Variants in AMBP observed in about 807,000 individuals in gnomAD.
AMBP encodes protein AMBP.
Under a neutral mutation model 46.3 loss-of-function variants are expected in AMBP, and 37 were observed. The ratio of observed to expected loss-of-function variants is 0.80; its 90% CI spans 0.61 to 1.05. The LOEUF (loss-of-function observed/expected upper bound fraction) is 1.05. Among genes scored for constraint, AMBP ranks in the 50% least tolerant of loss-of-function variants. The probability of loss-of-function intolerance (pLI) is 0.00; values close to 1 mark genes in which losing one functional copy is unlikely to be tolerated. For synonymous variants in AMBP, 174 were observed against 175.9 expected, an observed-to-expected ratio of 0.99 and a Z score of 0.09; for missense variants, 475 against 461.2, an observed-to-expected ratio of 1.03 and a Z score of -0.27.
chr9:114,061,575 G>T lies in AMBP; in HGVS notation c.702C>A (p.Gly234=), dbSNP rs751809824. 2 of 1,601,468 alleles carry T rather than the reference G, an allele frequency of 1.2e-6. No homozygotes were observed. Among genetic ancestry groups the T allele is most frequent in the Non-Finnish European group, 1.7e-6 (2 of 1,171,456 alleles). The part of the protein sequence containing the change: ...VTKKEDSCQL[G]YSAGPCMGMT... ...TTCCCATGCAGGGACCGGCCGAGTA[G>T]CCCAGCTGGCAGGAATCTAGGGAGG... is the stretch of plus-strand genomic sequence containing the variant. Residue 234 remains glycine (G), a synonymous_variant, in exon 8 of 10, where the codon GGC becomes GGA. Transcript: ENST00000265132.
At chr9:114,061,164 A>T in intron 8 of AMBP, 66 bp from the exon 9 acceptor site, 1 of 1,566,216 alleles carries the variant, frequency 6.4e-7, no homozygotes. Flanking sequence ...CATACATGAG[A>T]CTGCTGAGCC....
chr9:114,073,120 A>G (rs1382440683), intron 4 of AMBP, 94 bp from the exon 5 acceptor site: 8 of 1,101,096 alleles, frequency 7.3e-6, no homozygotes, highest in Non-Finnish European at 9.1e-6. Flanking sequence ...TCACTTAGGG[A>G]AAATTTGAAA....
At chr9:114,065,629 T>TACCCCA (rs1846686583) in intron 6 of AMBP, among the ~76,000 whole-genome samples, 1 of 151,898 alleles carries the variant, frequency 6.6e-6, no homozygotes. Flanking sequence ...GGCAGTTCAT[T>TACCCCA]ACCCCACCCC....
At chr9:114,069,601 G>T in intron 6 of AMBP, 98 bp downstream of exon 6, 1 of 1,158,122 alleles carries the variant, frequency 8.6e-7, no homozygotes, top group South Asian at 1.3e-5. Context: ...CCCTCCCCAT[G>T]ACTCTGCCTC....
chr9:114,064,627 C>T (rs1391134252), intron 6 of AMBP, among the ~76,000 whole-genome samples: 1 of 151,906 alleles, frequency 6.6e-6, no homozygotes, highest in Non-Finnish European at 1.5e-5. Flanking sequence ...TTGAAACTCT[C>T]CTCTAGAGTT....
chr9:114,072,927 C>A lies in AMBP; in HGVS notation c.554G>T (p.Arg185Leu). ...TGAGGCGGAGGGGTGCTATGTACCT[C>A]GGTCAGCCATGGTGAAGATGGAGTC... ...PEDSIFTMAD[R>L]GECVPGEQEP... Residue 185 changes from arginine (R) to leucine (L), a missense_variant and splice_region_variant, in exon 5 of 10, where the codon CGA becomes CTA. Arg to Leu is a moderately radical substitution (Grantham distance 102). Transcript: ENST00000265132. The A allele has an allele frequency of 6.2e-7, 1 of 1,613,672 alleles. No homozygotes were observed. The highest frequency in any genetic ancestry group is 1.1e-5 in the South Asian group (1 of 91,020).
chr9:114,060,822 G>A, intron 9 of AMBP, 103 bp downstream of exon 9: 1 of 1,312,468 alleles, frequency 7.6e-7, no homozygotes, highest in Non-Finnish European at 1.0e-6. Flanking sequence ...ACCAGGTACA[G>A]AGTCCAGAAC....
rs753980856 is a variant in AMBP at position 114,074,131 on chromosome 9, G to A, written c.359C>T (p.Ser120Phe). ...ATCATAGTTGGTGTGGACCACATAG[G>A]ACTCCATGGTTATGTTCCATTCTGC... Reference protein sequence around the residue: ...HKSKWNITMESYVVHTNYDEY... With the variant: ...HKSKWNITMEFYVVHTNYDEY... The change falls in exon 4 of 10, where the codon TCC (serine) becomes TTC (phenylalanine). Residue 120 changes from serine to phenylalanine, a missense_variant. This residue lies in a region of AMBP where 179 missense variants were observed against 167.4 expected (regional missense o/e 1.07). Transcript: ENST00000265132. 2 of 1,613,998 alleles carry A rather than the reference G, an allele frequency of 1.2e-6. No homozygotes were observed. Among genetic ancestry groups the A allele is most frequent in the South Asian group, 2.2e-5 (2 of 91,070 alleles).
In AMBP at chr9:114,069,834, G is replaced by A. The variant is rs779454639; in HGVS notation, c.557-89C>T. ...CGGATTTGTATCTTTGGTGAGCATCGTGCTGGGAACTTGTCGTGCCTTAGT... is the reference window on the plus strand; with the variant it reads ...CGGATTTGTATCTTTGGTGAGCATCATGCTGGGAACTTGTCGTGCCTTAGT... On this transcript the variant is annotated intron_variant, in intron 5 of 9. Transcript: ENST00000265132. 82 of 1,411,914 alleles carry A rather than the reference G, an allele frequency of 5.8e-5. 1 individual carries two copies. The South Asian group carries it at 7.4e-4, about 13-fold the overall frequency. 87.5% of individuals were successfully genotyped at this position (1,411,914 alleles called of 1,614,324 possible).
chr9:114,068,335 C>T (rs909148205), intron 6 of AMBP, among the ~76,000 whole-genome samples: 13 of 152,120 alleles, frequency 8.5e-5, no homozygotes, highest in African/African-American at 3.1e-4. Context: ...CACAGTGACT[C>T]ACGCCTGTAA....
At chr9:114,061,942 C>T (rs1846643588) in intron 7 of AMBP, among the ~76,000 whole-genome samples, 1 of 152,138 alleles carries the variant, frequency 6.6e-6, no homozygotes, top group Admixed American at 6.5e-5. Flanking sequence ...CTGACCTTTT[C>T]ACCAAGTCCC....
intron 5 of AMBP, 56 bp from the exon 6 acceptor site, chr9:114,069,801 C>G: frequency 6.3e-7 from 1 of 1,576,072 alleles, no homozygotes; most frequent in Non-Finnish European, 8.7e-7. Flanking sequence ...CAGGGGCCAT[C>G]CTAGACCCGG....
chr9:114,078,139 G>T lies in AMBP; in HGVS notation c.71C>A (p.Thr24Lys), dbSNP rs142189555. ...CTGCACTTGGATGTTGTCGGGCGGC[G>T]TTGGCACAGGGCCAGCGCTCACCGC... ...CLAVSAGPVP[T>K]PPDNIQVQEN... The change falls in exon 1 of 10, where the codon ACG becomes AAG. Residue 24 changes from threonine (T) to lysine (K), a missense_variant. Thr to Lys is a moderately conservative substitution (Grantham distance 78). Around this residue, in one of 3 missense-constraint regions of AMBP, gnomAD observed 179 missense variants for 167.4 expected, o/e 1.07. Coordinates refer to ENST00000265132, the MANE Select transcript of AMBP (RefSeq NM_001633.4). 46 of 1,613,676 alleles carry T rather than the reference G, an allele frequency of 2.9e-5. No homozygotes were observed. Among genetic ancestry groups the T allele is most frequent in the Non-Finnish European group, 3.7e-5 (44 of 1,180,048 alleles).
Position 114,073,013 on chromosome 9 carries a change from CT to C in AMBP, c.467del (p.Gln156ArgfsTer2), listed in dbSNP as rs1846762148. On this transcript the variant is annotated frameshift_variant, in exon 5 of 10. Transcript: ENST00000265132. LOFTEE classifies it high-confidence loss of function. Reference protein sequence around the residue: ...ITAKLYGRAPQLRETLLQDFR... With the variant: ...ITAKLYGRAPXLRETLLQDFR... ...AGTCCTGCAGGAGAGTTTCCCTCAG[CT>C]GCGGCGCCCGCCCTGCAAGGAGGAA... 1 of 1,613,460 alleles carries C rather than the reference CT, an allele frequency of 6.2e-7. No homozygotes were observed. The highest frequency in any genetic ancestry group is 2.2e-5 in the East Asian group (1 of 44,878).
chr9:114,072,174 T>C (rs1357093011), intron 5 of AMBP, among the ~76,000 whole-genome samples: 1 of 152,206 alleles, frequency 6.6e-6, no homozygotes, highest in Non-Finnish European at 1.5e-5. Context: ...AGCCCAGACC[T>C]GGGAGCTCCA....
At chr9:114,076,830 C>T (rs1846817943) in intron 1 of AMBP, 90 bp from the exon 2 acceptor site, 2 of 1,446,200 alleles carry the variant, frequency 1.4e-6, no homozygotes, top group Non-Finnish European at 1.9e-6. Context: ...TCCACCTCCT[C>T]CTCTTCCTCC....
At chr9:114,075,229 C>A (rs1846793551) in intron 2 of AMBP, among the ~76,000 whole-genome samples, 193 bp from the exon 3 acceptor site, 1 of 152,194 alleles carries the variant, frequency 6.6e-6, no homozygotes, top group African/African-American at 2.4e-5. Context: ...CCCTGAGAGA[C>A]CCCCATTTTC....
chr9:114,076,077 G>A (rs186081872), intron 2 of AMBP, among the ~76,000 whole-genome samples: 2 of 152,246 alleles, frequency 1.3e-5, no homozygotes, highest in Admixed American at 1.3e-4. Context: ...TCGAGCAGAT[G>A]TGAGTTTTCA....
rs1458504154 is a variant in AMBP at position 114,078,162 on chromosome 9, C to T, written c.48G>A (p.Ala16=). The T allele has an allele frequency of 9.9e-6, 16 of 1,613,548 alleles. No homozygotes were observed. The highest frequency in any genetic ancestry group is 3.3e-5 in the South Asian group (3 of 91,076). Residue 16 remains alanine, a synonymous_variant, in exon 1 of 10, where the codon GCG becomes GCA. Coordinates refer to ENST00000265132, the MANE Select transcript of AMBP (RefSeq NM_001633.4). The stretch of plus-strand genomic sequence containing the variant: ...GCGTTGGCACAGGGCCAGCGCTCAC[C>T]GCCAGGCAGGCGCTCAGCAGCAAGA... ...ALLLLLSACL[A]VSAGPVPTPP...
Sources: gnomAD v4.1 joint callset for allele counts (sites outside exome capture counted in the v4.1 genomes callset) on GRCh38, gnomAD v4.1.1 for gene constraint, gnomAD v4.1.1 regional missense constraint, MANE v1.5 for transcripts, NCBI Gene and HGNC (gene_info 2026-07-23, HGNC 2026-07-21) for gene names.